MEF2A: variants seen among roughly 807,000 people sequenced by gnomAD.
MEF2A encodes the protein myocyte enhancer factor 2A.
MEF2A carries 28 observed loss-of-function variants against 55.8 expected under a neutral mutation model. That is an observed-to-expected ratio of 0.50 (90% confidence interval 0.37 to 0.69). The LOEUF (loss-of-function observed/expected upper bound fraction) is 0.69. Among genes scored for constraint, MEF2A ranks in the 30% least tolerant of loss-of-function variants. The pLI, the probability that MEF2A is intolerant of heterozygous loss-of-function variation, is 0.00. For missense variants in MEF2A, 528 were observed against 626.2 expected, an observed-to-expected ratio of 0.84 and a Z score of 1.67; for synonymous variants, 239 against 227.1, an observed-to-expected ratio of 1.05 and a Z score of -0.47.
chr15:99,655,059 G>A (rs2047478553), intron 4 of MEF2A, among the ~76,000 whole-genome samples: 1 of 151,980 alleles, frequency 6.6e-6, no homozygotes, highest in Non-Finnish European at 1.5e-5. Context: ...TAAACACAGT[G>A]GTAGAGAAAG....
chr15:99,709,105 G>T (rs1226326228), intron 10 of MEF2A, among the ~76,000 whole-genome samples: 1 of 152,210 alleles, frequency 6.6e-6, no homozygotes, highest in Non-Finnish European at 1.5e-5. Context: ...AGCCACATCA[G>T]AGGCTACTGT....
At chr15:99,573,315 TCCTA>T (rs1453028959) in intron 1 of MEF2A, among the ~76,000 whole-genome samples, 3 of 149,550 alleles carry the variant, frequency 2.0e-5, no homozygotes, top group Middle Eastern at 3.2e-3. Context: ...AAAGAAGTTG[TCCTA>T]ATCAACGGAA....
intron 4 of MEF2A, among the ~76,000 whole-genome samples, chr15:99,655,216 T>C (rs1451170075): frequency 6.6e-6 from 1 of 152,144 alleles, no homozygotes; most frequent in Non-Finnish European, 1.5e-5. Flanking sequence ...TGTACCCACA[T>C]ATACATGGTT....
At chr15:99,647,107 A>G (rs1567316720) in intron 4 of MEF2A, among the ~76,000 whole-genome samples, 1 of 152,138 alleles carries the variant, frequency 6.6e-6, no homozygotes, top group Admixed American at 6.6e-5. Flanking sequence ...TATAAATTAT[A>G]TTATTTAGCA....
intron 4 of MEF2A, among the ~76,000 whole-genome samples, chr15:99,651,635 C>T (rs755826495): frequency 2.1e-4 from 32 of 152,332 alleles, no homozygotes; most frequent in South Asian, 8.3e-4. Flanking sequence ...GGCTCTCCTC[C>T]GCTTCCCACA....
chr15:99,600,214 T>G (rs1053357002), intron 2 of MEF2A, among the ~76,000 whole-genome samples: 4 of 152,172 alleles, frequency 2.6e-5, no homozygotes, highest in South Asian at 2.1e-4. Context: ...GATGTTATAT[T>G]TTGAGTCATG....
At chr15:99,677,099 C>T (rs1190691738) in intron 7 of MEF2A, among the ~76,000 whole-genome samples, 2 of 151,522 alleles carry the variant, frequency 1.3e-5, no homozygotes, top group African/African-American at 4.8e-5. Context: ...CCAGCCTGTG[C>T]GACAAGAGCA....
At chr15:99,612,490 C>T (rs1042684883) in intron 2 of MEF2A, among the ~76,000 whole-genome samples, 7 of 152,102 alleles carry the variant, frequency 4.6e-5, no homozygotes, top group African/African-American at 7.2e-5. Flanking sequence ...CATTCACATA[C>T]CATATTTAAA....
chr15:99,623,673 T>C (rs2041605636), intron 2 of MEF2A, among the ~76,000 whole-genome samples: 1 of 152,238 alleles, frequency 6.6e-6, no homozygotes, highest in Non-Finnish European at 1.5e-5. Context: ...CATAGGCTTA[T>C]TGAACATTGG....
intron 4 of MEF2A, among the ~76,000 whole-genome samples, chr15:99,660,183 C>CT (rs1161813197): frequency 3.3e-5 from 5 of 152,158 alleles, no homozygotes; most frequent in African/African-American, 4.8e-5. Flanking sequence ...GTGTTCACAT[C>CT]TTTCTTATGG....
At chr15:99,657,761 C>T (rs1474413456) in intron 4 of MEF2A, among the ~76,000 whole-genome samples, 2 of 152,070 alleles carry the variant, frequency 1.3e-5, no homozygotes, top group African/African-American at 4.8e-5. Context: ...AAATCCACTG[C>T]CTTCTCCTGC....
intron 2 of MEF2A, among the ~76,000 whole-genome samples, chr15:99,606,482 T>C (rs1391444546): frequency 1.3e-5 from 2 of 152,088 alleles, no homozygotes; most frequent in East Asian, 3.9e-4. Context: ...TGCAGTACCT[T>C]TAACAGACAA....
Position 99,707,864 on chromosome 15 carries a change from G to T in MEF2A, c.1009+1009G>T, listed in dbSNP as rs554696482. Among the ~76,000 whole-genome samples, 5 of 152,066 alleles carry T rather than the reference G, an allele frequency of 3.3e-5. No homozygotes were observed. The East Asian group carries it at 9.7e-4, about 29-fold the overall frequency. Reference sequence around the variant, plus strand: ...CCGCAGCTACGTGAGGGGACAGAGCGTTGATAACATTTGATTGCCACTTGA... The same window carrying T: ...CCGCAGCTACGTGAGGGGACAGAGCTTTGATAACATTTGATTGCCACTTGA... On this transcript the variant is annotated intron_variant, in intron 10 of 11. Transcript: ENST00000557942.
At chr15:99,570,602 G>A (rs531368773) in intron 1 of MEF2A, among the ~76,000 whole-genome samples, 2 of 152,248 alleles carry the variant, frequency 1.3e-5, no homozygotes, top group Non-Finnish European at 2.9e-5. Context: ...GGCATGATTT[G>A]TGACACTTGG....
At chr15:99,645,352 G>A (rs2045798122) in intron 3 of MEF2A, among the ~76,000 whole-genome samples, 1 of 152,168 alleles carries the variant, frequency 6.6e-6, no homozygotes, top group Non-Finnish European at 1.5e-5. Context: ...TTCCCCAGGA[G>A]ACAGCTCTGT....
At chr15:99,578,447 A>ACTTTCTT (rs1964970731) in intron 1 of MEF2A, among the ~76,000 whole-genome samples, 1 of 152,172 alleles carries the variant, frequency 6.6e-6, no homozygotes, top group African/African-American at 2.4e-5. Flanking sequence ...CTGGTACTGA[A>ACTTTCTT]AAGTTTCTGA....
intron 11 of MEF2A, among the ~76,000 whole-genome samples, chr15:99,711,690 A>G (rs1436806752): frequency 1.3e-5 from 2 of 152,208 alleles, no homozygotes; most frequent in Non-Finnish European, 2.9e-5. Flanking sequence ...TCCATTCTGA[A>G]GTAACTGCAC....
intron 8 of MEF2A, among the ~76,000 whole-genome samples, chr15:99,692,786 C>G (rs934239832): frequency 2.6e-5 from 4 of 152,142 alleles, no homozygotes; most frequent in African/African-American, 7.2e-5. Flanking sequence ...TGTCTTCTTT[C>G]TCTAATATGA....
Position 99,706,334 on chromosome 15 carries a change from C to T in MEF2A, c.883-395C>T, listed in dbSNP as rs80290454. On this transcript the variant is annotated intron_variant, in intron 9 of 11. Transcript: ENST00000557942. ...TAGTTTTGATTCCTATACTCATAGA[C>T]GTACAATCCCTATATATACAGATGA... 7.2e-3 allele frequency among the ~76,000 whole-genome samples: 1,091 copies of T among 152,332 alleles called. 14 individuals are homozygous for T. Among genetic ancestry groups the T allele is most frequent in the African/African-American group, 0.025 (1,026 of 41,574 alleles).
Sources: gnomAD v4.1 joint callset for allele counts (sites outside exome capture counted in the v4.1 genomes callset) on GRCh38, gnomAD v4.1.1 for gene constraint, MANE v1.5 for transcripts, NCBI Gene and HGNC (gene_info 2026-07-23, HGNC 2026-07-21) for gene names.